KLF12: variants seen among roughly 807,000 people sequenced by gnomAD.
The protein encoded by KLF12 is Krueppel-like factor 12.
A neutral mutation model predicts 37.8 loss-of-function variants in KLF12; 9 were observed. The ratio of observed to expected loss-of-function variants is 0.24; its 90% confidence interval spans 0.14 to 0.42. The LOEUF (loss-of-function observed/expected upper bound fraction) is 0.42, where lower values mean the gene tolerates loss of function less well. KLF12 is among the 10% of genes least tolerant of loss of function. The pLI is 1.00. For synonymous variants in KLF12, 208 were observed against 202.1 expected, an observed-to-expected ratio of 1.03 and a Z score of -0.25; for missense variants, 411 against 516.0, an observed-to-expected ratio of 0.80 and a Z score of 1.97.
At chr13:73,720,845 T>C (rs775274770) in intron 6 of KLF12, among the ~76,000 whole-genome samples, 4 of 152,176 alleles carry the variant, frequency 2.6e-5, no homozygotes, top group Non-Finnish European at 5.9e-5. Context: ...CTTAGCATGA[T>C]GAGATGTCCT....
intron 2 of KLF12, among the ~76,000 whole-genome samples, chr13:73,987,546 G>A (rs1891855758): frequency 6.6e-6 from 1 of 151,620 alleles, no homozygotes; most frequent in East Asian, 2.0e-4. Context: ...TAATCAAGTG[G>A]CCAGAGAATG....
intron 7 of KLF12, among the ~76,000 whole-genome samples, chr13:73,713,039 G>T (rs185465999): frequency 1.8e-3 from 267 of 152,318 alleles, no homozygotes; most frequent in Non-Finnish European, 3.4e-3. Context: ...CACAGGATAT[G>T]TTCCCTCAAT....
the KLF12 span, among the ~76,000 whole-genome samples, chr13:74,301,125 C>T: frequency 6.6e-6 from 1 of 152,024 alleles, no homozygotes; most frequent in African/African-American, 2.4e-5. Context: ...TCTGACTCAC[C>T]TACCTTTTAT....
At chr13:74,036,330 A>G (rs751310919) in intron 1 of KLF12, among the ~76,000 whole-genome samples, 10 of 152,164 alleles carry the variant, frequency 6.6e-5, no homozygotes, top group Non-Finnish European at 1.3e-4. Context: ...GGTACCTAAT[A>G]TAAGAGTTAA....
intron 1 of KLF12, among the ~76,000 whole-genome samples, chr13:74,066,052 G>T (rs1004334359): frequency 1.6e-4 from 24 of 152,080 alleles, no homozygotes; most frequent in African/African-American, 5.8e-4. Flanking sequence ...GCAGGAGCAG[G>T]GAGGTGCATA....
At chr13:74,002,407 C>G (rs2138316222) in intron 1 of KLF12, among the ~76,000 whole-genome samples, 3 of 152,328 alleles carry the variant, frequency 2.0e-5, no homozygotes, top group South Asian at 2.1e-4. Context: ...CAGGGTCTCA[C>G]TCTGTCATCC....
chr13:73,780,887 A>G (rs1224156472), intron 5 of KLF12, among the ~76,000 whole-genome samples: 2 of 152,256 alleles, frequency 1.3e-5, no homozygotes, highest in African/African-American at 4.8e-5. Context: ...TTAGTGGATA[A>G]AGCTGTATCA....
At chr13:74,002,717 A>G (rs898243574) in intron 1 of KLF12, among the ~76,000 whole-genome samples, 4 of 152,236 alleles carry the variant, frequency 2.6e-5, no homozygotes, top group Non-Finnish European at 5.9e-5. Flanking sequence ...ATGGAAAAAT[A>G]CTAAAATTGA....
At chr13:73,843,930 A>G (rs992041202) in intron 4 of KLF12, among the ~76,000 whole-genome samples, 4 of 152,186 alleles carry the variant, frequency 2.6e-5, no homozygotes, top group Admixed American at 6.5e-5. Flanking sequence ...TTCTACTACA[A>G]TAATTCATTT....
At chr13:74,138,051 C>G (rs141044969), upstream of KLF12, among the ~76,000 whole-genome samples, 6 of 152,298 alleles carry the variant, frequency 3.9e-5, no homozygotes, top group East Asian at 1.2e-3. Context: ...CCACCGCGCC[C>G]GGCCAGAAAA....
chr13:74,270,725 G>T, the KLF12 span, among the ~76,000 whole-genome samples: 2 of 152,156 alleles, frequency 1.3e-5, no homozygotes, highest in African/African-American at 4.8e-5. Flanking sequence ...ATTGTAGCTG[G>T]TTGGGTAGAT....
intron 3 of KLF12, among the ~76,000 whole-genome samples, chr13:73,934,433 A>G (rs2139306162): frequency 6.6e-6 from 1 of 152,366 alleles, no homozygotes. Flanking sequence ...TGCTTTCAGC[A>G]GTCAACTGTC....
chr13:73,701,906 C>G (rs1270547714), intron 7 of KLF12, among the ~76,000 whole-genome samples: 1 of 152,016 alleles, frequency 6.6e-6, no homozygotes, highest in Non-Finnish European at 1.5e-5. Flanking sequence ...AAAACCTGGA[C>G]TAAACTAGGA....
chr13:74,277,616 T>G, the KLF12 span, among the ~76,000 whole-genome samples: 9 of 152,312 alleles, frequency 5.9e-5, no homozygotes, highest in South Asian at 1.7e-3. Context: ...GCGGTAATCA[T>G]AAAGCAATTA....
intron 3 of KLF12, among the ~76,000 whole-genome samples, chr13:73,854,992 C>T (rs1386991905): frequency 2.6e-5 from 4 of 152,190 alleles, no homozygotes; most frequent in Non-Finnish European, 4.4e-5. Flanking sequence ...CTCTCTTTTC[C>T]TACCTCTCCT....
chr13:73,802,353 G>A (rs1882323575), intron 5 of KLF12: 2 of 152,024 alleles, frequency 1.3e-5, no homozygotes, highest in African/African-American at 4.8e-5. Flanking sequence ...ACTTTCCAGT[G>A]TAATAGTTAT....
At chr13:73,975,615 C>T (rs939569270) in intron 2 of KLF12, among the ~76,000 whole-genome samples, 6 of 152,146 alleles carry the variant, frequency 3.9e-5, no homozygotes, top group Non-Finnish European at 7.3e-5. Flanking sequence ...CATTTCTTTC[C>T]GAAAGCTCCT....
rs115584617 is a variant in KLF12, at chr13:74,120,058, C to T, written c.-32+13681G>A. ...GAGGATACTGGAGCAATATCTTTAA[C>T]GTAATGGTGGAAAACTGTCAACCCA... is the stretch of plus-strand genomic sequence containing the variant. On this transcript the variant is annotated intron_variant, in intron 1 of 7. Transcript: ENST00000377669. 5.9e-3 allele frequency among the ~76,000 whole-genome samples: 893 copies of T among 152,106 alleles called. 14 individuals carry two copies. The highest frequency in any genetic ancestry group is 0.021 in the African/African-American group (862 of 41,496).
chr13:74,249,335 A>ATC, the KLF12 span, among the ~76,000 whole-genome samples: 12 of 93,742 alleles, frequency 1.3e-4, no homozygotes, highest in South Asian at 4.0e-4. Flanking sequence ...AAGCAGGAGC[A>ATC]TCACACACAC....
Sources: allele counts gnomAD v4.1 joint callset (sites outside exome capture counted in the v4.1 genomes callset), GRCh38; gene constraint gnomAD v4.1.1; transcripts MANE v1.5; gene names NCBI Gene and HGNC (gene_info 2026-07-23, HGNC 2026-07-21).